CAMK1D: variants seen among roughly 807,000 people sequenced by gnomAD.
CAMK1D encodes the protein calcium/calmodulin-dependent protein kinase type 1D.
A neutral mutation model predicts 47.7 loss-of-function variants in CAMK1D; 9 were observed. That is an observed-to-expected ratio of 0.19 (90% CI 0.11 to 0.33). The LOEUF (loss-of-function observed/expected upper bound fraction) is 0.33, where lower values mean the gene tolerates loss of function less well. CAMK1D is among the 10% of genes least tolerant of loss of function. The pLI is 1.00. For missense variants in CAMK1D, 291 were observed against 488.7 expected (o/e 0.60, Z 3.81); for synonymous variants, 184 against 184.9 (o/e 0.99, Z 0.04).
intron 3 of CAMK1D, among the ~76,000 whole-genome samples, chr10:12,672,472 G>A (rs1840655488): frequency 6.6e-6 from 1 of 151,090 alleles, no homozygotes; most frequent in East Asian, 2.0e-4. Context: ...GGGTTCAAGT[G>A]AGTCTCCTGC....
At chr10:12,700,851 G>A (rs1248948781) in intron 3 of CAMK1D, among the ~76,000 whole-genome samples, 1 of 152,208 alleles carries the variant, frequency 6.6e-6, no homozygotes, top group Non-Finnish European at 1.5e-5. Flanking sequence ...AGAAATTTTA[G>A]CCAGCAGGTG....
Position 12,799,550 on chromosome 10 carries a change from C to T in CAMK1D, c.641+8317C>T, listed in dbSNP as rs1263819165. ...AAATTCTCCATGGGTTCCGCATCAT[C>T]GGTTAGCGCTTGGTGCTAATCGCCT... On this transcript the variant is annotated intron_variant, in intron 6 of 10. Coordinates refer to ENST00000619168, the MANE Select transcript of CAMK1D (RefSeq NM_153498.4). 3.9e-5 allele frequency among the ~76,000 whole-genome samples: 6 copies of T among 152,224 alleles called. No individual in the cohort carries two copies. The South Asian group carries it at 6.2e-4, about 16-fold the overall frequency.
chr10:12,796,292 G>C (rs1838192670), intron 6 of CAMK1D, among the ~76,000 whole-genome samples: 1 of 152,124 alleles, frequency 6.6e-6, no homozygotes, highest in African/African-American at 2.4e-5. Flanking sequence ...TGGGTGGGGA[G>C]ACCTCAGACC....
intron 1 of CAMK1D, among the ~76,000 whole-genome samples, chr10:12,494,165 T>C (rs1834468183): frequency 6.6e-6 from 1 of 152,206 alleles, no homozygotes; most frequent in Non-Finnish European, 1.5e-5. Flanking sequence ...ATGGGTGTTG[T>C]GTCATTATTG....
At chr10:12,786,494 TC>T (rs1287257831) in intron 5 of CAMK1D, among the ~76,000 whole-genome samples, 2 of 152,240 alleles carry the variant, frequency 1.3e-5, no homozygotes, top group Non-Finnish European at 2.9e-5. Context: ...TTAGAACTTT[TC>T]CCCCATAACA....
At chr10:12,748,593 T>A (rs1358725775) in intron 3 of CAMK1D, among the ~76,000 whole-genome samples, 1 of 152,096 alleles carries the variant, frequency 6.6e-6, no homozygotes, top group Non-Finnish European at 1.5e-5. Context: ...TTGACCAGAG[T>A]AACTCATCTG....
At chr10:12,785,592 C>T (rs1015861429) in intron 5 of CAMK1D, among the ~76,000 whole-genome samples, 1 of 152,188 alleles carries the variant, frequency 6.6e-6, no homozygotes, top group Non-Finnish European at 1.5e-5. Flanking sequence ...TCCGAGGCCC[C>T]GGAGGGACTG....
chr10:12,387,929 A>G (rs560749148), intron 1 of CAMK1D, among the ~76,000 whole-genome samples: 1 of 152,198 alleles, frequency 6.6e-6, no homozygotes, highest in East Asian at 1.9e-4. Flanking sequence ...GCGCCCCACC[A>G]ATGCTTAGTT....
Position 12,769,262 on chromosome 10 carries a change from CAG to C in CAMK1D, c.439-407_439-406del, listed in dbSNP as rs1284112520. Among the ~76,000 whole-genome samples, 10 of 152,282 alleles carry C rather than the reference CAG, an allele frequency of 6.6e-5. No homozygotes were observed. The East Asian group carries it at 1.5e-3, about 23-fold the overall frequency. ...CAGGGCGTGTTGCTGAGGGCAGAAA[CAG>C]AGACCCTTGGATTCAAGAAAAATCA... On this transcript the variant is annotated intron_variant, in intron 4 of 10. Coordinates refer to ENST00000619168, the MANE Select transcript of CAMK1D (RefSeq NM_153498.4).
At chr10:12,651,839 C>T (rs545260779) in intron 2 of CAMK1D, among the ~76,000 whole-genome samples, 17 of 151,520 alleles carry the variant, frequency 1.1e-4, no homozygotes, top group South Asian at 4.2e-4. Context: ...AGTGCAGTGG[C>T]GCGATCTCGG....
intron 1 of CAMK1D, among the ~76,000 whole-genome samples, chr10:12,530,652 T>C (rs1835775065): frequency 6.6e-6 from 1 of 152,210 alleles, no homozygotes; most frequent in Admixed American, 6.5e-5. Flanking sequence ...CCTCGGGGTC[T>C]GGGGAGGCAG....
At chr10:12,360,112 G>A (rs564071982) in intron 1 of CAMK1D, among the ~76,000 whole-genome samples, 2 of 152,152 alleles carry the variant, frequency 1.3e-5, no homozygotes, top group African/African-American at 4.8e-5. Flanking sequence ...GGAAGAAAAA[G>A]CTCCTCCAGC....
At chr10:12,616,922 C>T (rs1838842718) in intron 2 of CAMK1D, among the ~76,000 whole-genome samples, 1 of 152,156 alleles carries the variant, frequency 6.6e-6, no homozygotes, top group Non-Finnish European at 1.5e-5. Context: ...ACCGGACACC[C>T]ACTTCAGTGG....
intron 1 of CAMK1D, among the ~76,000 whole-genome samples, chr10:12,379,315 A>T (rs1838276115): frequency 6.6e-6 from 1 of 152,246 alleles, no homozygotes; most frequent in Admixed American, 6.5e-5. Flanking sequence ...CATGATGCTG[A>T]ACCTCTACTT....
chr10:12,451,854 A>T (rs1395710391), intron 1 of CAMK1D, among the ~76,000 whole-genome samples: 1 of 151,746 alleles, frequency 6.6e-6, no homozygotes, highest in African/African-American at 2.4e-5. Flanking sequence ...TCCCTGGGGG[A>T]TGTCCATGTT....
At chr10:12,427,069 C>T (rs1352504186) in intron 1 of CAMK1D, among the ~76,000 whole-genome samples, 2 of 151,548 alleles carry the variant, frequency 1.3e-5, no homozygotes, top group Non-Finnish European at 2.9e-5. Context: ...AGACTGGTCT[C>T]GAACTCCTGG....
intron 2 of CAMK1D, among the ~76,000 whole-genome samples, chr10:12,636,889 G>A (rs187712869): frequency 6.6e-6 from 1 of 152,234 alleles, no homozygotes; most frequent in Admixed American, 6.5e-5. Flanking sequence ...GTGTACTTCA[G>A]TGTTCTTGCT....
At chr10:12,775,090 G>A (rs1258065811) in intron 5 of CAMK1D, among the ~76,000 whole-genome samples, 11 of 88,634 alleles carry the variant, frequency 1.2e-4, no homozygotes, top group Non-Finnish European at 2.3e-4. Context: ...CTCAGGCATT[G>A]ATCAGGTGAG....
intron 1 of CAMK1D, among the ~76,000 whole-genome samples, chr10:12,482,347 G>A (rs1834089137): frequency 6.6e-6 from 1 of 152,176 alleles, no homozygotes; most frequent in African/African-American, 2.4e-5. Flanking sequence ...GAGATGTAGG[G>A]CCACTTAGGG....
Sources: gnomAD v4.1 joint callset for allele counts (sites outside exome capture counted in the v4.1 genomes callset) on GRCh38, gnomAD v4.1.1 for gene constraint, MANE v1.5 for transcripts, NCBI Gene and HGNC (gene_info 2026-07-23, HGNC 2026-07-21) for gene names.